The following FBXW11 variants were observed in gnomAD, a reference collection of about 807,000 sequenced individuals.
The protein encoded by FBXW11 is F-box and WD repeat domain containing 11.
FBXW11 carries 19 observed loss-of-function variants against 77.6 expected under a neutral mutation model. The observed-to-expected ratio is 0.24, with a 90% CI of 0.17 to 0.36. The LOEUF is 0.36. FBXW11 is among the 10% of genes least tolerant of loss of function. The pLI is 1.00. For missense variants in FBXW11, 334 were observed against 704.2 expected, an observed-to-expected ratio of 0.47 and a Z score of 5.95; for synonymous variants, 235 against 249.4, an observed-to-expected ratio of 0.94 and a Z score of 0.54.
intron 1 of FBXW11, chr5:171,996,823 T>C (rs1453068497): frequency 8.9e-7 from 1 of 1,120,732 alleles, no homozygotes; most frequent in Non-Finnish European, 1.1e-6. Flanking sequence ...TAAGGGAAAA[T>C]ATTTTTCAAA....
intron 2 of FBXW11, among the ~76,000 whole-genome samples, chr5:171,931,087 C>T (rs948138095): frequency 7.2e-5 from 11 of 152,192 alleles, no homozygotes; most frequent in African/African-American, 2.7e-4. Flanking sequence ...AAGGTCAAGA[C>T]ATCAGTTCTT....
intron 2 of FBXW11, among the ~76,000 whole-genome samples, chr5:171,923,161 G>A (rs1314456361): frequency 7.2e-5 from 11 of 152,114 alleles, no homozygotes; most frequent in Non-Finnish European, 1.5e-4. Context: ...TGATCTGCCC[G>A]CCTCAGCCTC....
At chr5:171,906,134 C>T (rs1760500890) in intron 4 of FBXW11, among the ~76,000 whole-genome samples, 2 of 152,202 alleles carry the variant, frequency 1.3e-5, no homozygotes, top group African/African-American at 2.4e-5. Context: ...TTTAACACAG[C>T]TGCTTAGATC....
chr5:171,865,594 T>A (rs1427015270), intron 13 of FBXW11, among the ~76,000 whole-genome samples: 1 of 152,238 alleles, frequency 6.6e-6, no homozygotes, highest in Non-Finnish European at 1.5e-5. Context: ...AGCGTCATTT[T>A]AAAAAGCCTG....
intron 4 of FBXW11, among the ~76,000 whole-genome samples, chr5:171,901,361 T>A (rs1404687729): frequency 6.6e-6 from 1 of 152,230 alleles, no homozygotes; most frequent in Non-Finnish European, 1.5e-5. Context: ...AGTTTCCTCA[T>A]CTGTATAAGA....
chr5:171,965,043 GA>G (rs1460888690), intron 1 of FBXW11, among the ~76,000 whole-genome samples: 1 of 151,668 alleles, frequency 6.6e-6, no homozygotes, highest in Non-Finnish European at 1.5e-5. Flanking sequence ...AGGAAGGGGA[GA>G]AAAAAAATAA....
intron 2 of FBXW11, among the ~76,000 whole-genome samples, chr5:171,930,720 TA>T (rs1289423691): frequency 1.5e-4 from 7 of 46,036 alleles, no homozygotes; most frequent in Admixed American, 5.0e-4. Context: ...GAATGATCAA[TA>T]AAAAAAATAA....
intron 2 of FBXW11, among the ~76,000 whole-genome samples, chr5:171,929,082 A>T (rs1762032982): frequency 1.3e-5 from 2 of 151,344 alleles, no homozygotes; most frequent in South Asian, 4.2e-4. Context: ...AAAAAAAAAT[A>T]AAAAATAGGC....
chr5:171,878,592 A>C (rs4867659), intron 7 of FBXW11, among the ~76,000 whole-genome samples: 15 of 132,964 alleles, frequency 1.1e-4, no homozygotes, highest in Admixed American at 2.2e-4. Flanking sequence ...GTGTGTGTGT[A>C]AGAGAGAGAG....
chr5:171,891,907 A>ATTTATTTG (rs762857986), intron 6 of FBXW11, among the ~76,000 whole-genome samples: 41 of 152,192 alleles, frequency 2.7e-4, no homozygotes, highest in Non-Finnish European at 5.0e-4. Flanking sequence ...TGCACCCAAA[A>ATTTATTTG]CATGCAAATA....
At chr5:171,931,199 A>T (rs1036310552) in intron 2 of FBXW11, among the ~76,000 whole-genome samples, 3 of 152,238 alleles carry the variant, frequency 2.0e-5, no homozygotes, top group African/African-American at 7.2e-5. Context: ...AGGCTAAAAA[A>T]AATAAATAAT....
At chr5:171,925,577 C>CTCAA (rs1352391010) in intron 2 of FBXW11, among the ~76,000 whole-genome samples, 5 of 152,218 alleles carry the variant, frequency 3.3e-5, no homozygotes, top group Non-Finnish European at 7.3e-5. Context: ...GTCTCCTGAG[C>CTCAA]TCAAGCAATC....
intron 10 of FBXW11, among the ~76,000 whole-genome samples, chr5:171,872,553 A>C (rs2113761780): frequency 6.6e-6 from 1 of 152,282 alleles, no homozygotes; most frequent in Non-Finnish European, 1.5e-5. Flanking sequence ...GGGAGCTCAC[A>C]GGTGAGGGAA....
At chr5:171,998,336 C>CTTTTTTTTTTTTTTTTTTTTTTTTTTTT (rs778327855) in intron 1 of FBXW11, among the ~76,000 whole-genome samples, 2 of 114,826 alleles carry the variant, frequency 1.7e-5, no homozygotes, top group African/African-American at 8.3e-5. Context: ...TTTTTCTTGT[C>CTTTTTTTTTTTTTTTTTTTTTTTTTTTT]TTTTTTTTTT....
intron 2 of FBXW11, among the ~76,000 whole-genome samples, chr5:171,923,277 T>C (rs839274): frequency 0.041 from 6,185 of 152,312 alleles, 306 homozygotes; most frequent in African/African-American, 0.11. Flanking sequence ...AGAAATTCTA[T>C]ATATATTCTA....
intron 1 of FBXW11, among the ~76,000 whole-genome samples, chr5:171,979,216 T>A (rs907597255): frequency 6.6e-6 from 1 of 152,098 alleles, no homozygotes; most frequent in Admixed American, 6.6e-5. Flanking sequence ...AGCTACTCAG[T>A]CAACTGAGGT....
At chr5:171,896,116 T>C (rs147100911) in intron 6 of FBXW11, among the ~76,000 whole-genome samples, 45 of 152,210 alleles carry the variant, frequency 3.0e-4, no homozygotes, top group African/African-American at 1.1e-3. Flanking sequence ...TGGGTCAATG[T>C]AGAAGCGCAG....
intron 6 of FBXW11, among the ~76,000 whole-genome samples, chr5:171,893,657 G>A (rs1323588853): frequency 6.6e-6 from 1 of 152,158 alleles, no homozygotes; most frequent in Non-Finnish European, 1.5e-5. Context: ...GTAGGCAGAT[G>A]TACTGGTAAC....
At chr5:171,981,643 G>A (rs530353953) in intron 1 of FBXW11, among the ~76,000 whole-genome samples, 8 of 152,294 alleles carry the variant, frequency 5.3e-5, no homozygotes, top group South Asian at 2.1e-4. Flanking sequence ...TGATGTTAGC[G>A]TATAGAAAAA....
Sources: gnomAD v4.1 joint callset for allele counts (sites outside exome capture counted in the v4.1 genomes callset) on GRCh38, gnomAD v4.1.1 for gene constraint, MANE v1.5 for transcripts, NCBI Gene and HGNC (gene_info 2026-07-23, HGNC 2026-07-21) for gene names.